Variants in CEP120 observed in about 807,000 individuals in gnomAD.
The protein encoded by CEP120 is centrosomal protein 120.
In CEP120, 113 loss-of-function variants were observed where a neutral mutation model predicts 126.5. The observed-to-expected ratio is 0.89, with a 90% CI of 0.77 to 1.04. The LOEUF is 1.04. Ranked by LOEUF, CEP120 falls within the 50% of genes least tolerant of loss-of-function variation. CEP120 has a pLI of 0.00. For synonymous variants in CEP120, 400 were observed against 394.3 expected, an observed-to-expected ratio of 1.01 and a Z score of -0.17; for missense variants, 1,230 against 1,155.7, an observed-to-expected ratio of 1.06 and a Z score of -0.93.
chr5:123,390,416 C>A (rs889195770), intron 7 of CEP120: 8 of 510,192 alleles, frequency 1.6e-5, no homozygotes, highest in African/African-American at 1.5e-4. Context: ...ATAGGTGTCC[C>A]CGGGAATGGT....
intron 18 of CEP120, among the ~76,000 whole-genome samples, chr5:123,357,419 C>A (rs1392080144): frequency 1.3e-5 from 2 of 152,088 alleles, no homozygotes; most frequent in African/African-American, 4.8e-5. Context: ...AAATATACCA[C>A]TTCTCTAATA....
Position 123,377,548 on chromosome 5 carries a change from GCATCTTTAAGA to G in CEP120, c.2197-24_2197-14del. 1 of 1,566,530 alleles carries G rather than the reference GCATCTTTAAGA, an allele frequency of 6.4e-7. No homozygotes were observed. The highest frequency in any genetic ancestry group is 8.6e-7 in the Non-Finnish European group (1 of 1,166,504). ...TTTCTCTTTGAAGCTTAAAACAAAGGCATCTTTAAGAGGTTGGTTTATTGCTAGCTGCATTA... is the reference window on the plus strand; with the variant it reads ...TTTCTCTTTGAAGCTTAAAACAAAGGGGTTGGTTTATTGCTAGCTGCATTA... On this transcript the variant is annotated splice_polypyrimidine_tract_variant and intron_variant, in intron 15 of 19. Coordinates refer to ENST00000306467, the MANE Select transcript of CEP120 (RefSeq NM_001375405.1).
At chr5:123,404,792 A>G (rs1029532049) in intron 4 of CEP120, among the ~76,000 whole-genome samples, 5 of 152,256 alleles carry the variant, frequency 3.3e-5, no homozygotes, top group Non-Finnish European at 7.3e-5. Flanking sequence ...ATGCAACATG[A>G]CTGAAGCATA....
At chr5:123,387,504 A>C (rs1406009468) in intron 9 of CEP120, among the ~76,000 whole-genome samples, 2 of 152,150 alleles carry the variant, frequency 1.3e-5, no homozygotes, top group African/African-American at 4.8e-5. Context: ...CAATTCCATG[A>C]CACAGCTGCA....
intron 7 of CEP120, 175 bp from the exon 8 acceptor site, chr5:123,390,315 G>A: frequency 2.9e-6 from 2 of 679,190 alleles, no homozygotes; most frequent in East Asian, 5.7e-5. Context: ...CCAGAAAAAG[G>A]AAGATGAACA....
chr5:123,401,849 A>G (rs1773264760), intron 4 of CEP120: 1 of 1,528,470 alleles, frequency 6.5e-7, no homozygotes, highest in African/African-American at 1.4e-5. Context: ...ACATGTTGCC[A>G]AGCTCCGCCT....
At chr5:123,422,108 A>G (rs1774753329) in intron 1 of CEP120, among the ~76,000 whole-genome samples, 1 of 152,120 alleles carries the variant, frequency 6.6e-6, no homozygotes, top group Non-Finnish European at 1.5e-5. Flanking sequence ...GAATTTAACC[A>G]ATGTTTACTG....
intron 5 of CEP120, among the ~76,000 whole-genome samples, chr5:123,396,877 T>C (rs538369847): frequency 6.6e-6 from 1 of 152,292 alleles, no homozygotes; most frequent in African/African-American, 2.4e-5. Context: ...ATCTCTAAAA[T>C]GAAAATGATC....
chr5:123,421,720 G>A (rs1774728218), intron 1 of CEP120, among the ~76,000 whole-genome samples: 3 of 152,084 alleles, frequency 2.0e-5, no homozygotes, highest in Admixed American at 1.3e-4. Flanking sequence ...GGAGGGAATG[G>A]AGGTATTTGT....
chr5:123,389,876 A>T, intron 8 of CEP120, 48 bp downstream of exon 8: 1 of 1,505,768 alleles, frequency 6.6e-7, no homozygotes, highest in South Asian at 1.2e-5. Context: ...AGATGGCTGC[A>T]AAATGCAATA....
At chr5:123,379,766 A>G (rs1469582651) in intron 14 of CEP120, among the ~76,000 whole-genome samples, 1 of 151,994 alleles carries the variant, frequency 6.6e-6, no homozygotes, top group Non-Finnish European at 1.5e-5. Flanking sequence ...CCAACATCAA[A>G]CTACATATAA....
At chr5:123,400,988 G>A (rs1458952371) in intron 4 of CEP120, 16 of 1,549,080 alleles carry the variant, frequency 1.0e-5, no homozygotes, top group East Asian at 9.0e-5. Flanking sequence ...TCACAACCAC[G>A]GCCCTGGAGT....
intron 17 of CEP120, among the ~76,000 whole-genome samples, chr5:123,366,231 C>T (rs898857899): frequency 1.3e-5 from 2 of 151,648 alleles, no homozygotes; most frequent in African/African-American, 4.8e-5. Context: ...AAAATATACA[C>T]AACTAAAATT....
chr5:123,422,654 G>C (rs886694520), intron 1 of CEP120: 1 of 980,448 alleles, frequency 1.0e-6, no homozygotes, highest in African/African-American at 1.6e-5. Context: ...ACCACGTTCA[G>C]CTCATATATA....
chr5:123,379,478 C>G (rs914102971), intron 14 of CEP120, among the ~76,000 whole-genome samples: 2 of 152,074 alleles, frequency 1.3e-5, no homozygotes, highest in Non-Finnish European at 2.9e-5. Context: ...GGTTTATCAT[C>G]TGAACCACAA....
chr5:123,350,615 C>G (rs371903304), intron 18 of CEP120, among the ~76,000 whole-genome samples: 1 of 152,260 alleles, frequency 6.6e-6, no homozygotes, highest in East Asian at 1.9e-4. Context: ...CTGAGAAAAA[C>G]ATTATACAAA....
intron 18 of CEP120, among the ~76,000 whole-genome samples, chr5:123,361,086 T>C (rs998096993): frequency 1.3e-5 from 2 of 151,848 alleles, no homozygotes; most frequent in African/African-American, 4.8e-5. Flanking sequence ...TAGCTAACAC[T>C]GTTCCCCTTT....
At position 123,376,549 on chromosome 5, in the gene CEP120, C is replaced by T. The variant is rs185719327; in HGVS notation, c.2358+825G>A. On this transcript the variant is annotated intron_variant, in intron 16 of 19. Transcript: ENST00000306467. ...TTAAAGAGGAGAGTATCAAGATTCC[C>T]AATTTCAAAAATATCATTCTGGCTA... 1.7e-3 allele frequency among the ~76,000 whole-genome samples: 259 copies of T among 152,136 alleles called. 8 individuals are homozygous for T. Among genetic ancestry groups the T allele is most frequent in the Admixed American group, 0.013 (192 of 15,282 alleles).
intron 9 of CEP120, 47 bp downstream of exon 9, chr5:123,388,385 T>C: frequency 1.5e-6 from 2 of 1,309,940 alleles, no homozygotes; most frequent in Non-Finnish European, 2.0e-6. Context: ...CACAGGAAAG[T>C]CCTTTCTCTT....
Sources: gnomAD v4.1 joint callset for allele counts (sites outside exome capture counted in the v4.1 genomes callset) on GRCh38, gnomAD v4.1.1 for gene constraint, MANE v1.5 for transcripts, NCBI Gene and HGNC (gene_info 2026-07-23, HGNC 2026-07-21) for gene names.